Variants in STK3 observed in about 807,000 individuals in gnomAD.
STK3 encodes the protein serine/threonine kinase 3, also known as serine/threonine-protein kinase 3.
A neutral mutation model predicts 58.0 loss-of-function variants in STK3; 41 were observed. The ratio of observed to expected loss-of-function variants is 0.71; its 90% CI spans 0.55 to 0.92. The LOEUF is 0.92. Among genes scored for constraint, STK3 ranks in the 40% least tolerant of loss-of-function variants. The pLI, the probability that STK3 is intolerant of heterozygous loss-of-function variation, is 0.00. For missense variants in STK3, 479 were observed against 602.7 expected, an observed-to-expected ratio of 0.79 and a Z score of 2.15; for synonymous variants, 170 against 191.0, an observed-to-expected ratio of 0.89 and a Z score of 0.91.
At chr8:98,654,255 C>T (rs1213705924) in intron 6 of STK3, among the ~76,000 whole-genome samples, 1 of 152,254 alleles carries the variant, frequency 6.6e-6, no homozygotes, top group East Asian at 1.9e-4. Context: ...TCAATAGATG[C>T]AGAAAAGGCC....
At chr8:98,421,387 G>A (rs2131055664) in intron 3 of STK3, among the ~76,000 whole-genome samples, 1 of 152,324 alleles carries the variant, frequency 6.6e-6, no homozygotes, top group South Asian at 2.1e-4. Flanking sequence ...CCTGGAGGGA[G>A]GTGGTTGCCC....
chr8:98,675,956 G>C (rs1302816713), intron 6 of STK3, among the ~76,000 whole-genome samples: 1 of 152,050 alleles, frequency 6.6e-6, no homozygotes, highest in African/African-American at 2.4e-5. Flanking sequence ...GGAAACAATC[G>C]AAGTTTCCAT....
chr8:98,394,243 T>C (rs912544361), intron 3 of STK3, among the ~76,000 whole-genome samples: 1 of 152,118 alleles, frequency 6.6e-6, no homozygotes, highest in Non-Finnish European at 1.5e-5. Context: ...AGGAGAAAGA[T>C]GAAAGGCTAG....
At chr8:98,777,845 G>A (rs1296797379) in intron 1 of STK3, among the ~76,000 whole-genome samples, 1 of 152,158 alleles carries the variant, frequency 6.6e-6, no homozygotes, top group Non-Finnish European at 1.5e-5. Flanking sequence ...GCTGAAACTG[G>A]ATCCCTTCCT....
chr8:98,407,642 G>T (rs1818008542), intron 3 of STK3, among the ~76,000 whole-genome samples: 1 of 152,086 alleles, frequency 6.6e-6, no homozygotes, highest in Non-Finnish European at 1.5e-5. Context: ...GGGAAGAGCT[G>T]TCTTCCTCTT....
At chr8:98,704,494 T>C (rs938961697) in intron 6 of STK3, among the ~76,000 whole-genome samples, 2 of 151,868 alleles carry the variant, frequency 1.3e-5, no homozygotes, top group African/African-American at 2.4e-5. Context: ...ACTTGGGCGA[T>C]AGCTGTCAAG....
intron 10 of STK3, among the ~76,000 whole-genome samples, chr8:98,467,231 A>G (rs1299500506): frequency 2.6e-5 from 4 of 151,884 alleles, no homozygotes; most frequent in Admixed American, 2.6e-4. Flanking sequence ...GGAGAGAACT[A>G]TTTTCTTCCC....
intron 6 of STK3, among the ~76,000 whole-genome samples, chr8:98,620,782 A>G (rs1362554782): frequency 6.6e-6 from 1 of 152,044 alleles, no homozygotes; most frequent in African/African-American, 2.4e-5. Context: ...AAATTGACAA[A>G]CCTCTTCCAA....
intron 6 of STK3, among the ~76,000 whole-genome samples, chr8:98,623,451 T>C (rs1048441496): frequency 2.5e-4 from 38 of 152,258 alleles, no homozygotes; most frequent in African/African-American, 8.4e-4. Context: ...TGTGTCCTTA[T>C]AAGAAGAAGA....
chr8:98,923,861 G>GCA (rs796239352), intron 1 of STK3, among the ~76,000 whole-genome samples: 104 of 78,874 alleles, frequency 1.3e-3, no homozygotes, highest in Non-Finnish European at 2.1e-3. Flanking sequence ...GTGTGCGCGC[G>GCA]CGCGCGCGCG....
At chr8:98,595,896 G>T (rs1815784213) in intron 7 of STK3, 136 bp downstream of exon 7, 3 of 978,014 alleles carry the variant, frequency 3.1e-6, no homozygotes, top group African/African-American at 3.3e-5. Flanking sequence ...GGAAAGAAAA[G>T]AAGGGAGCAA....
chr8:98,402,410 G>A lies in STK3; in HGVS notation n.484-897C>T, dbSNP rs181066623. ...CCTCTTTCAGAGAGTCCAAGGGATC[G>A]GAGCTCCCTGGAGTCTGTGTTTGGC... On this transcript the variant is annotated intron_variant and non_coding_transcript_variant, in intron 3 of 3. Coordinates refer to the STK3 transcript ENST00000517832. 2.5e-4 allele frequency among the ~76,000 whole-genome samples: 38 copies of A among 152,322 alleles called. No homozygotes were observed. The Middle Eastern group carries it at 0.014, about 55-fold the overall frequency.
intron 10 of STK3, among the ~76,000 whole-genome samples, chr8:98,506,211 T>G (rs1389134412): frequency 3.3e-5 from 5 of 152,230 alleles, no homozygotes; most frequent in African/African-American, 1.2e-4. Context: ...AAGCCAGGCA[T>G]GGGATATAAT....
intron 9 of STK3, among the ~76,000 whole-genome samples, chr8:98,544,954 C>T (rs1365394802): frequency 6.6e-6 from 1 of 152,092 alleles, no homozygotes; most frequent in African/African-American, 2.4e-5. Context: ...TCTGTAAGAT[C>T]AGAAAGTTCC....
the STK3 span, among the ~76,000 whole-genome samples, chr8:98,352,577 G>T: frequency 6.6e-6 from 1 of 152,172 alleles, no homozygotes; most frequent in Middle Eastern, 3.2e-3. Context: ...ACAGCAGCAT[G>T]CATTCACAAC....
Position 98,844,745 on chromosome 8 carries a change from G to A in STK3, c.110+38902C>T, listed in dbSNP as rs149182951. ...CCTCCAGAGTGCTGGGATTACAGGTGTGAGCCACTGTGCCCGGCCCAAACA... is the reference window on the plus strand; with the variant it reads ...CCTCCAGAGTGCTGGGATTACAGGTATGAGCCACTGTGCCCGGCCCAAACA... On this transcript the variant is annotated intron_variant, in intron 3 of 12. Transcript: ENST00000523601. Among the ~76,000 whole-genome samples, 496 of 152,258 alleles carry A rather than the reference G, an allele frequency of 3.3e-3. 1 individual carries two copies. Among genetic ancestry groups the A allele is most frequent in the African/African-American group, 0.011 (473 of 41,550 alleles).
At chr8:98,930,673 T>C (rs994926864) in intron 1 of STK3, among the ~76,000 whole-genome samples, 4 of 152,220 alleles carry the variant, frequency 2.6e-5, no homozygotes, top group Non-Finnish European at 5.9e-5. Context: ...AAAAATAAAA[T>C]GCCCATGTTT....
At chr8:98,741,968 C>G (rs1829251866) in intron 4 of STK3, among the ~76,000 whole-genome samples, 1 of 152,088 alleles carries the variant, frequency 6.6e-6, no homozygotes, top group African/African-American at 2.4e-5. Flanking sequence ...CGCAAATAAA[C>G]TAGAAAATCT....
At chr8:98,691,783 T>C (rs1824422828) in intron 6 of STK3, among the ~76,000 whole-genome samples, 1 of 151,794 alleles carries the variant, frequency 6.6e-6, no homozygotes, top group South Asian at 2.1e-4. Flanking sequence ...AATACAAAAA[T>C]TAGCTGGGCG....
Sources: allele counts gnomAD v4.1 joint callset (sites outside exome capture counted in the v4.1 genomes callset), GRCh38; gene constraint gnomAD v4.1.1; transcripts MANE v1.5; gene names NCBI Gene and HGNC (gene_info 2026-07-23, HGNC 2026-07-21).